QKI: variants seen among roughly 807,000 people sequenced by gnomAD.
QKI encodes QKI, KH domain containing RNA binding.
A neutral mutation model predicts 39.0 loss-of-function variants in QKI; 10 were observed. The observed-to-expected ratio is 0.26, with a 90% CI of 0.16 to 0.43. The LOEUF is 0.43. Among genes scored for constraint, QKI ranks in the 20% least tolerant of loss-of-function variants. QKI has a pLI of 1.00. For synonymous variants in QKI, 204 were observed against 155.4 expected, an observed-to-expected ratio of 1.31 and a Z score of -2.33; for missense variants, 218 against 428.0, an observed-to-expected ratio of 0.51 and a Z score of 4.33.
At chr6:163,452,409 AAGAC>A (rs1188512592) in intron 1 of QKI, among the ~76,000 whole-genome samples, 7 of 152,180 alleles carry the variant, frequency 4.6e-5, no homozygotes, top group African/African-American at 1.4e-4. Flanking sequence ...TCGTGGTAGA[AAGAC>A]TTCTTATCTG....
intron 7 of QKI, chr6:163,570,490 A>T (rs1025527559): frequency 1.0e-6 from 1 of 983,558 alleles, no homozygotes; most frequent in Non-Finnish European, 1.2e-6. Context: ...CATTTGTTCA[A>T]ATCATGATAC....
At chr6:163,446,393 T>G (rs183818056) in intron 1 of QKI, among the ~76,000 whole-genome samples, 166 of 152,344 alleles carry the variant, frequency 1.1e-3, no homozygotes, top group African/African-American at 3.9e-3. Context: ...TCAGAAATAT[T>G]AAAGGATTGG....
chr6:163,464,562 A>G (rs943384137), intron 2 of QKI, among the ~76,000 whole-genome samples: 7 of 152,176 alleles, frequency 4.6e-5, no homozygotes, highest in African/African-American at 1.4e-4. Context: ...CTGAGTAAAT[A>G]TATGCCAAAA....
At chr6:163,548,934 A>G (rs1300220712) in intron 4 of QKI, among the ~76,000 whole-genome samples, 2 of 152,206 alleles carry the variant, frequency 1.3e-5, no homozygotes, top group Non-Finnish European at 2.9e-5. Flanking sequence ...ATGGTGATTG[A>G]CTAGAAGGTA....
intron 6 of QKI, chr6:163,564,624 T>A: frequency 6.2e-7 from 1 of 1,613,552 alleles, no homozygotes; most frequent in Non-Finnish European, 8.5e-7. Context: ...GAACAAAAAG[T>A]GGTGTGCTCG....
At chr6:163,475,041 A>G (rs925897906) in intron 2 of QKI, among the ~76,000 whole-genome samples, 3 of 152,196 alleles carry the variant, frequency 2.0e-5, no homozygotes, top group Non-Finnish European at 4.4e-5. Flanking sequence ...TTATTTTAGA[A>G]ATTGATGGAC....
intron 1 of QKI, among the ~76,000 whole-genome samples, chr6:163,415,715 C>G (rs1011861458): frequency 6.6e-6 from 1 of 151,876 alleles, no homozygotes; most frequent in African/African-American, 2.4e-5. Context: ...CAGGCCCACG[C>G]CGCGCCGCCG....
At chr6:163,524,170 A>G (rs1780327880) in intron 3 of QKI, among the ~76,000 whole-genome samples, 1 of 152,156 alleles carries the variant, frequency 6.6e-6, no homozygotes, top group Non-Finnish European at 1.5e-5. Flanking sequence ...CAAATGCTTC[A>G]TGGAGGGCAG....
At position 163,470,490 on chromosome 6, in the gene QKI, T is replaced by G. The variant is rs75390480; in HGVS notation, c.286-8290T>G. ...ATTATTGTCTTTGGCCTTATATTAT[T>G]TTTATAAGCTATTTAGTTAAGTGTA... is the stretch of plus-strand genomic sequence containing the variant. On this transcript the variant is annotated intron_variant, in intron 2 of 7. Transcript: ENST00000361752. Among the ~76,000 whole-genome samples the G allele has an allele frequency of 3.9e-4, 59 of 152,256 alleles. 2 individuals are homozygous for G. The East Asian group carries it at 9.9e-3, about 25-fold the overall frequency.
intron 2 of QKI, among the ~76,000 whole-genome samples, chr6:163,462,653 A>G (rs889511168): frequency 1.3e-5 from 2 of 152,212 alleles, no homozygotes; most frequent in South Asian, 4.1e-4. Flanking sequence ...ACTAAAAAGG[A>G]TATCTGAATA....
At chr6:163,494,325 T>C (rs1778259043) in intron 3 of QKI, among the ~76,000 whole-genome samples, 1 of 152,212 alleles carries the variant, frequency 6.6e-6, no homozygotes, top group South Asian at 2.1e-4. Context: ...TGAGCACTGG[T>C]AGGGAGGCGG....
chr6:163,447,249 AT>A (rs4038332), intron 1 of QKI, among the ~76,000 whole-genome samples: 7,259 of 120,092 alleles, frequency 0.06, 452 homozygotes, highest in African/African-American at 0.2. Context: ...GGTGCACGTG[AT>A]TTTTTTTTTT....
intron 1 of QKI, among the ~76,000 whole-genome samples, chr6:163,452,808 A>G (rs536627407): frequency 2.4e-4 from 37 of 152,138 alleles, no homozygotes; most frequent in African/African-American, 8.2e-4. Flanking sequence ...GCTCACTGAA[A>G]TCTCCGCCTC....
At chr6:163,467,429 C>G (rs1791849804) in intron 2 of QKI, among the ~76,000 whole-genome samples, 1 of 152,158 alleles carries the variant, frequency 6.6e-6, no homozygotes, top group Non-Finnish European at 1.5e-5. Context: ...TCCCAAAGGA[C>G]AAAGTCAGTA....
chr6:163,435,113 A>G (rs1266514200), intron 1 of QKI, among the ~76,000 whole-genome samples: 1 of 152,202 alleles, frequency 6.6e-6, no homozygotes, highest in Non-Finnish European at 1.5e-5. Context: ...CTGAATCTAG[A>G]CGTTAATAGA....
Position 163,435,038 on chromosome 6 carries a change from A to C in QKI, c.142+19703A>C, listed in dbSNP as rs1480277460. On this transcript the variant is annotated intron_variant, in intron 1 of 7. Transcript: ENST00000361752. ...CCAACACTTAAAAATGATTTTTTTA[A>C]AAAATTGCAACTTGTGTATATTCTG... 2.0e-5 allele frequency among the ~76,000 whole-genome samples: 3 copies of C among 152,364 alleles called. No individual in the cohort carries two copies. In the East Asian group the frequency reaches 5.8e-4, roughly 29 times the overall value.
chr6:163,425,229 AG>A (rs1485857272), intron 1 of QKI, among the ~76,000 whole-genome samples: 1 of 152,188 alleles, frequency 6.6e-6, no homozygotes, highest in Non-Finnish European at 1.5e-5. Context: ...GGAGAAGGGA[AG>A]GTGCAGCATT....
At chr6:163,420,740 T>C (rs1369992182) in intron 1 of QKI, among the ~76,000 whole-genome samples, 1 of 152,214 alleles carries the variant, frequency 6.6e-6, no homozygotes, top group Non-Finnish European at 1.5e-5. Context: ...AGCTAGATTA[T>C]TTCGTGTTTT....
At chr6:163,563,986 C>CTTAA in intron 6 of QKI, 1 of 1,300,190 alleles carries the variant, frequency 7.7e-7, no homozygotes, top group Non-Finnish European at 9.7e-7. Flanking sequence ...AATACTTTTA[C>CTTAA]ATTTGACATT....
Sources: allele counts gnomAD v4.1 joint callset (sites outside exome capture counted in the v4.1 genomes callset), GRCh38; gene constraint gnomAD v4.1.1; transcripts MANE v1.5; gene names NCBI Gene and HGNC (gene_info 2026-07-23, HGNC 2026-07-21).